Variants in CHST3 observed in about 807,000 individuals in gnomAD.
CHST3 encodes carbohydrate sulfotransferase 3.
CHST3 carries 20 observed loss-of-function variants against 35.4 expected under a neutral mutation model. The observed-to-expected ratio is 0.57, with a 90% CI of 0.40 to 0.82. The LOEUF is 0.82. Ranked by LOEUF, CHST3 falls within the 40% of genes least tolerant of loss-of-function variation. The pLI is 0.00. For synonymous variants in CHST3, 334 were observed against 295.9 expected (o/e 1.13, Z -1.32); for missense variants, 693 against 670.1 (o/e 1.03, Z -0.38).
At chr10:72,006,915 C>T (rs954167267) in intron 2 of CHST3, among the ~76,000 whole-genome samples, 1 of 152,226 alleles carries the variant, frequency 6.6e-6, no homozygotes, top group East Asian at 1.9e-4. Context: ...CAGACTAAGC[C>T]TCCGATGCCC....
At chr10:71,981,231 C>T (rs1839798305) in intron 1 of CHST3, among the ~76,000 whole-genome samples, 1 of 152,202 alleles carries the variant, frequency 6.6e-6, no homozygotes, top group African/African-American at 2.4e-5. Context: ...CATTGTATCA[C>T]GCGGCAGCAC....
chr10:71,987,054 T>G (rs950407851), intron 1 of CHST3, among the ~76,000 whole-genome samples: 2 of 152,112 alleles, frequency 1.3e-5, no homozygotes, highest in South Asian at 4.1e-4. Flanking sequence ...TGTCCAACGC[T>G]CAGAGCAGTT....
chr10:71,998,181 C>T (rs1839959360), intron 1 of CHST3, among the ~76,000 whole-genome samples: 2 of 152,190 alleles, frequency 1.3e-5, no homozygotes, highest in African/African-American at 2.4e-5. Context: ...TGAAAAGAAT[C>T]GTAACATTAT....
intron 1 of CHST3, among the ~76,000 whole-genome samples, chr10:71,999,942 C>T (rs1589506157): frequency 6.6e-6 from 1 of 152,224 alleles, no homozygotes; most frequent in African/African-American, 2.4e-5. Flanking sequence ...TGCCCTCCCC[C>T]TTGTTACCCC....
intron 2 of CHST3, among the ~76,000 whole-genome samples, chr10:72,006,265 G>C (rs1051599576): frequency 6.6e-6 from 1 of 152,154 alleles, no homozygotes; most frequent in Non-Finnish European, 1.5e-5. Flanking sequence ...CTGAGTCTTC[G>C]GTTCCTCTTT....
At chr10:71,999,220 T>C (rs1024928081) in intron 1 of CHST3, among the ~76,000 whole-genome samples, 34 of 152,160 alleles carry the variant, frequency 2.2e-4, no homozygotes, top group Non-Finnish European at 2.8e-4. Context: ...CAGGCTGGCA[T>C]AGGAGCTCCA....
chr10:71,999,458 C>T (rs572199763), intron 1 of CHST3, among the ~76,000 whole-genome samples: 1 of 152,374 alleles, frequency 6.6e-6, no homozygotes, highest in East Asian at 1.9e-4. Flanking sequence ...CTTGGCTCCT[C>T]TTTCCCATGC....
chr10:71,997,989 T>G (rs887698537), intron 1 of CHST3, among the ~76,000 whole-genome samples: 2 of 152,046 alleles, frequency 1.3e-5, no homozygotes, highest in East Asian at 3.9e-4. Context: ...TAAGAAAAAA[T>G]GTAGCCAGGC....
At chr10:71,982,474 T>C (rs1403186115) in intron 1 of CHST3, among the ~76,000 whole-genome samples, 1 of 152,212 alleles carries the variant, frequency 6.6e-6, no homozygotes, top group African/African-American at 2.4e-5. Context: ...TTGTTCCAGC[T>C]GGGCACGGTG....
At chr10:71,982,967 C>CA (rs1839815078) in intron 1 of CHST3, among the ~76,000 whole-genome samples, 1 of 152,248 alleles carries the variant, frequency 6.6e-6, no homozygotes, top group African/African-American at 2.4e-5. Context: ...CACCTCACCA[C>CA]ACTGCCCCCT....
intron 1 of CHST3, among the ~76,000 whole-genome samples, chr10:71,989,583 T>G (rs1839878934): frequency 6.6e-6 from 1 of 152,232 alleles, no homozygotes; most frequent in Non-Finnish European, 1.5e-5. Context: ...GCGCTAACTG[T>G]GTGTAGGATG....
chr10:71,987,452 A>G (rs1351892261), intron 1 of CHST3, among the ~76,000 whole-genome samples: 1 of 152,086 alleles, frequency 6.6e-6, no homozygotes, highest in Non-Finnish European at 1.5e-5. Context: ...AGTGACTCAC[A>G]TCTGTAATCC....
At chr10:71,978,859 G>A (rs1839772603) in intron 1 of CHST3, among the ~76,000 whole-genome samples, 1 of 152,206 alleles carries the variant, frequency 6.6e-6, no homozygotes, top group Non-Finnish European at 1.5e-5. Flanking sequence ...TGTGGGCCAA[G>A]AGCAGGAGTG....
intron 1 of CHST3, among the ~76,000 whole-genome samples, chr10:71,985,296 C>T (rs375731533): frequency 1.3e-5 from 2 of 152,358 alleles, no homozygotes; most frequent in South Asian, 2.1e-4. Flanking sequence ...GCCGCTAGTC[C>T]CAGCTCCCCT....
chr10:71,984,362 T>A (rs113670322), intron 1 of CHST3, among the ~76,000 whole-genome samples: 2 of 152,204 alleles, frequency 1.3e-5, no homozygotes, highest in Non-Finnish European at 2.9e-5. Context: ...CGCCCCACGC[T>A]GTGGAGCGCA....
intron 1 of CHST3, among the ~76,000 whole-genome samples, chr10:71,994,110 C>G (rs902268648): frequency 2.6e-5 from 4 of 151,418 alleles, no homozygotes; most frequent in African/African-American, 4.9e-5. Context: ...AAAACAACAA[C>G]GAAAATTAGC....
chr10:72,007,505 C>A lies in CHST3; in HGVS notation c.474C>A (p.Ile158=). The A allele has an allele frequency of 6.2e-7, 1 of 1,602,264 alleles. No individual in the cohort carries two copies. Among genetic ancestry groups the A allele is most frequent in the East Asian group, 2.2e-5 (1 of 44,854 alleles). ...VGEFFNQQGN[I]FYLFEPLWHI... ...AGTTCTTCAACCAGCAGGGCAACATCTTCTACCTCTTCGAGCCGCTGTGGC... is the reference window on the plus strand; with the variant it reads ...AGTTCTTCAACCAGCAGGGCAACATATTCTACCTCTTCGAGCCGCTGTGGC... Residue 158 remains isoleucine (I), a synonymous_variant, in exon 3 of 3, where the codon ATC becomes ATA. Coordinates refer to ENST00000373115, the MANE Select transcript of CHST3 (RefSeq NM_004273.5).
chr10:71,997,748 A>T (rs1589505296), intron 1 of CHST3, among the ~76,000 whole-genome samples: 1 of 122,572 alleles, frequency 8.2e-6, no homozygotes, highest in African/African-American at 3.2e-5. Flanking sequence ...TGCAACCTCC[A>T]CCTCCCGGGT....
At chr10:71,985,700 C>T (rs921881759) in intron 1 of CHST3, among the ~76,000 whole-genome samples, 1 of 152,154 alleles carries the variant, frequency 6.6e-6, no homozygotes, top group Non-Finnish European at 1.5e-5. Flanking sequence ...TTCATTTTGA[C>T]ATAACAGTAG....
Sources: gnomAD v4.1 joint callset for allele counts (sites outside exome capture counted in the v4.1 genomes callset) on GRCh38, gnomAD v4.1.1 for gene constraint, MANE v1.5 for transcripts, NCBI Gene and HGNC (gene_info 2026-07-23, HGNC 2026-07-21) for gene names.